The following SYT6 variants were observed in gnomAD, a reference collection of about 807,000 sequenced individuals.
The protein encoded by SYT6 is synaptotagmin 6, also known as synaptotagmin-6.
SYT6 carries 24 observed loss-of-function variants against 38.4 expected under a neutral mutation model. The observed-to-expected ratio is 0.62, with a 90% CI of 0.45 to 0.88. The LOEUF (loss-of-function observed/expected upper bound fraction) is 0.88. Among genes scored for constraint, SYT6 ranks in the 40% least tolerant of loss-of-function variants. SYT6 has a pLI of 0.00. For missense variants in SYT6, 611 were observed against 621.0 expected (o/e 0.98, Z 0.17); for synonymous variants, 265 against 241.9 (o/e 1.10, Z -0.89).
chr1:114,105,520 G>A (rs1402934035), intron 3 of SYT6, among the ~76,000 whole-genome samples: 1 of 151,814 alleles, frequency 6.6e-6, no homozygotes, highest in Admixed American at 6.6e-5. Flanking sequence ...GAAGGGCCTG[G>A]CTGGGGCCAG....
rs771338497 is a variant in SYT6 at position 114,137,654 on chromosome 1, A to G, written c.912T>C (p.Tyr304=). 3.7e-6 allele frequency: 6 copies of G among 1,613,898 alleles called. No individual in the cohort carries two copies. Among genetic ancestry groups the G allele is most frequent in the Non-Finnish European group, 5.1e-6 (6 of 1,179,802 alleles). ...FDENFHFPVP[Y]EELADRKLHL... Reference sequence around the variant, plus strand: ...GCAGCTTGCGGTCAGCCAGCTCCTCATAGGGCACAGGGAAGTGGAAGTTCT... The same window carrying G: ...GCAGCTTGCGGTCAGCCAGCTCCTCGTAGGGCACAGGGAAGTGGAAGTTCT... Residue 304 remains tyrosine (Y), a synonymous_variant, in exon 3 of 8, where the codon TAT becomes TAC. Transcript: ENST00000610222.
chr1:114,116,532 T>A (rs927550678), intron 3 of SYT6, among the ~76,000 whole-genome samples: 3 of 152,200 alleles, frequency 2.0e-5, no homozygotes, highest in African/African-American at 7.2e-5. Flanking sequence ...CTTCCTTAGG[T>A]CTTGAGGAAG....
In SYT6 at chr1:114,090,828, T is replaced by C. The variant is rs1675260433; in HGVS notation, c.*1306A>G. 1 of 152,578 alleles carries C rather than the reference T, an allele frequency of 6.6e-6. No individual in the cohort carries two copies. The highest frequency in any genetic ancestry group is 2.1e-4 in the South Asian group (1 of 4,832). The allele number at this position is 152,578 out of a possible 1,614,324, so 9.5% of individuals were successfully genotyped here. ...AGAAATGTGCTATTACAACACAGAA[T>C]AGTTCAAACAATTTTTTTTTTCCTA... On this transcript the variant is annotated 3_prime_UTR_variant, in exon 8 of 8. Coordinates refer to ENST00000610222, the MANE Select transcript of SYT6 (RefSeq NM_001253772.2).
chr1:114,120,965 T>A (rs755827402), intron 3 of SYT6, among the ~76,000 whole-genome samples: 22 of 152,204 alleles, frequency 1.4e-4, no homozygotes, highest in Non-Finnish European at 2.8e-4. Flanking sequence ...CCTCACGCTG[T>A]CCGTGCCTAG....
At chr1:114,119,853 C>T (rs576079295) in intron 3 of SYT6, among the ~76,000 whole-genome samples, 104 of 152,220 alleles carry the variant, frequency 6.8e-4, no homozygotes, top group African/African-American at 2.4e-3. Flanking sequence ...AGGCGGATCA[C>T]GAGGTCAGGA....
intron 1 of SYT6, among the ~76,000 whole-genome samples, chr1:114,149,988 T>C (rs1679362881): frequency 6.6e-6 from 1 of 152,172 alleles, no homozygotes. Context: ...TAGAGGCTTC[T>C]TTTCCTAAGC....
intron 1 of SYT6, among the ~76,000 whole-genome samples, chr1:114,144,707 C>T (rs1295321410): frequency 1.3e-5 from 2 of 152,050 alleles, no homozygotes; most frequent in African/African-American, 4.8e-5. Flanking sequence ...GCTTGAATGC[C>T]CAGTCCCCTG....
chr1:114,130,542 C>T (rs1678085322), intron 3 of SYT6, among the ~76,000 whole-genome samples: 2 of 152,208 alleles, frequency 1.3e-5, no homozygotes, highest in African/African-American at 4.8e-5. Flanking sequence ...CTTCTGCCAT[C>T]TGTATCCCTC....
intron 3 of SYT6, among the ~76,000 whole-genome samples, chr1:114,119,794 G>A (rs1023794623): frequency 1.3e-5 from 2 of 152,182 alleles, no homozygotes; most frequent in African/African-American, 2.4e-5. Flanking sequence ...CTCTCAGGCC[G>A]GGCACGGTGG....
intron 3 of SYT6, among the ~76,000 whole-genome samples, chr1:114,108,935 C>T (rs1461193845): frequency 6.6e-6 from 1 of 152,180 alleles, no homozygotes; most frequent in South Asian, 2.1e-4. Flanking sequence ...TTCAGGAAAG[C>T]CATAGGAGAC....
intron 3 of SYT6, among the ~76,000 whole-genome samples, chr1:114,111,735 CCCG>C (rs1391086206): frequency 0.012 from 732 of 61,300 alleles, 2 homozygotes; most frequent in Middle Eastern, 0.054. Flanking sequence ...CCGAGAGGAA[CCCG>C]GCAGGATGTG....
chr1:114,108,259 C>T (rs999768327), intron 3 of SYT6, among the ~76,000 whole-genome samples: 10 of 152,174 alleles, frequency 6.6e-5, no homozygotes, highest in Non-Finnish European at 1.3e-4. Context: ...CTTAAAGGCT[C>T]ACCTATCTAT....
chr1:114,153,197 C>A (rs1679538020), intron 1 of SYT6, among the ~76,000 whole-genome samples: 2 of 152,224 alleles, frequency 1.3e-5, no homozygotes, highest in African/African-American at 2.4e-5. Context: ...CCGGGGACCT[C>A]GACACTCGCT....
At chr1:114,094,073 C>A (rs1409771044) in intron 6 of SYT6, among the ~76,000 whole-genome samples, 7 of 152,306 alleles carry the variant, frequency 4.6e-5, no homozygotes, top group African/African-American at 1.7e-4. Flanking sequence ...AAGGACTACA[C>A]AGAGTGTCTT....
At chr1:114,108,047 G>A (rs1676437082) in intron 3 of SYT6, among the ~76,000 whole-genome samples, 1 of 152,188 alleles carries the variant, frequency 6.6e-6, no homozygotes, top group Non-Finnish European at 1.5e-5. Context: ...AGCTGATAGG[G>A]TAGATCTGAG....
chr1:114,102,641 T>C (rs1000038834), intron 4 of SYT6, among the ~76,000 whole-genome samples: 11 of 152,084 alleles, frequency 7.2e-5, no homozygotes, highest in Non-Finnish European at 1.5e-4. Context: ...TTTAATATAT[T>C]CCCAGCTAAG....
At chr1:114,095,438 G>C (rs1487026807) in intron 6 of SYT6, among the ~76,000 whole-genome samples, 1 of 152,192 alleles carries the variant, frequency 6.6e-6, no homozygotes, top group Admixed American at 6.5e-5. Context: ...CCCAGCTGTA[G>C]CCGCTGCTCT....
In SYT6 at chr1:114,098,609, G is replaced by A. The variant is rs189836650; in HGVS notation, c.1364+485C>T. Among the ~76,000 whole-genome samples, 401 of 152,318 alleles carry A rather than the reference G, an allele frequency of 2.6e-3. 4 individuals carry two copies. The highest frequency in any genetic ancestry group is 4.6e-3 in the Non-Finnish European group (311 of 68,026). ...GCCTGGATCACAGGAGCCATTGATG[G>A]TTCTTGAGAAGGGCAGGTCCAGGAA... On this transcript the variant is annotated intron_variant, in intron 5 of 7. Coordinates refer to ENST00000610222, the MANE Select transcript of SYT6 (RefSeq NM_001253772.2).
At chr1:114,115,755 TG>T (rs1465765876) in intron 3 of SYT6, among the ~76,000 whole-genome samples, 3 of 152,180 alleles carry the variant, frequency 2.0e-5, no homozygotes, top group Non-Finnish European at 4.4e-5. Context: ...ACTCTATGCC[TG>T]GGAGGAGCGC....
Sources: allele counts gnomAD v4.1 joint callset (sites outside exome capture counted in the v4.1 genomes callset), GRCh38; gene constraint gnomAD v4.1.1; transcripts MANE v1.5; gene names NCBI Gene and HGNC (gene_info 2026-07-23, HGNC 2026-07-21).